The following RAD51B variants were observed in gnomAD, a reference collection of about 807,000 sequenced individuals.
RAD51B encodes RAD51 paralog B.
A neutral mutation model predicts 42.2 loss-of-function variants in RAD51B; 38 were observed. The observed-to-expected ratio is 0.90, with a 90% CI of 0.70 to 1.18. RAD51B has a LOEUF of 1.18. Among genes scored for constraint, RAD51B ranks in the 50% most tolerant of loss-of-function variants. The pLI is 0.00. For missense variants in RAD51B, 373 were observed against 400.7 expected (o/e 0.93, Z 0.59); for synonymous variants, 154 against 145.2 (o/e 1.06, Z -0.43).
At chr14:68,056,199 C>T (rs181218508) in intron 7 of RAD51B, among the ~76,000 whole-genome samples, 1 of 152,092 alleles carries the variant, frequency 6.6e-6, no homozygotes, top group Non-Finnish European at 1.5e-5. Flanking sequence ...CGCTTTGTCA[C>T]CCAGGTTGGA....
chr14:68,142,570 C>T (rs2078150584), intron 7 of RAD51B, among the ~76,000 whole-genome samples: 1 of 152,062 alleles, frequency 6.6e-6, no homozygotes, highest in African/African-American at 2.4e-5. Flanking sequence ...GAAGACATCT[C>T]CAAGGCCTAA....
intron 9 of RAD51B, among the ~76,000 whole-genome samples, chr14:68,442,410 TGCCTACTATGTAGTAG>T (rs2085319882): frequency 1.4e-5 from 2 of 147,916 alleles, no homozygotes; most frequent in Non-Finnish European, 3.0e-5. Flanking sequence ...ATTTCTTGAG[TGCCTACTATGTAGTAG>T]GCATTGTGCT....
chr14:68,199,049 C>T (rs1286975650), intron 7 of RAD51B, among the ~76,000 whole-genome samples: 3 of 152,206 alleles, frequency 2.0e-5, no homozygotes, highest in Non-Finnish European at 2.9e-5. Flanking sequence ...AGCTAATCTG[C>T]CCAATGAATT....
At position 68,091,956 on chromosome 14, in the gene RAD51B, A is replaced by T. The variant is rs200705716; in HGVS notation, c.757-199928A>T. 1.7e-3 allele frequency among the ~76,000 whole-genome samples: 261 copies of T among 152,282 alleles called. 3 individuals carry two copies. The highest frequency in any genetic ancestry group is 0.014 in the East Asian group (72 of 5,186). ...CCCAGCACCATTTATTAAATAGGGA[A>T]TCCTTTCCCCATTGCTTGTTTTTGT... On this transcript the variant is annotated intron_variant, in intron 7 of 10. Coordinates refer to ENST00000471583, the MANE Select transcript of RAD51B (RefSeq NM_133510.4).
At chr14:68,373,572 A>G (rs747635204) in intron 8 of RAD51B, among the ~76,000 whole-genome samples, 60 of 152,282 alleles carry the variant, frequency 3.9e-4, no homozygotes, top group Admixed American at 3.9e-4. Context: ...TAATGATGAG[A>G]ACACATGGAC....
At chr14:68,492,520 A>G (rs1243955239) in intron 10 of RAD51B, among the ~76,000 whole-genome samples, 5 of 152,186 alleles carry the variant, frequency 3.3e-5, no homozygotes, top group Non-Finnish European at 7.3e-5. Context: ...TGAGCTCAAA[A>G]TCCCTCCTGC....
intron 5 of RAD51B, among the ~76,000 whole-genome samples, chr14:67,881,993 G>A (rs530640308): frequency 7.6e-4 from 115 of 152,112 alleles, no homozygotes; most frequent in African/African-American, 2.6e-3. Flanking sequence ...TTTTAGACAG[G>A]TTCTCACCTA....
At chr14:68,520,733 G>T (rs904160163) in intron 10 of RAD51B, among the ~76,000 whole-genome samples, 1 of 152,158 alleles carries the variant, frequency 6.6e-6, no homozygotes, top group African/African-American at 2.4e-5. Flanking sequence ...GCCAGTTAGG[G>T]TGTGGGGAAG....
At chr14:68,150,859 TA>T (rs988784813) in intron 7 of RAD51B, among the ~76,000 whole-genome samples, 2 of 152,190 alleles carry the variant, frequency 1.3e-5, no homozygotes, top group African/African-American at 4.8e-5. Flanking sequence ...ACGATAGTCT[TA>T]AAGTAGTTGT....
intron 7 of RAD51B, among the ~76,000 whole-genome samples, chr14:67,953,140 C>A (rs2074485209): frequency 6.6e-6 from 1 of 152,130 alleles, no homozygotes; most frequent in African/African-American, 2.4e-5. Flanking sequence ...AATCAACCAT[C>A]TAAGAGGACT....
chr14:68,517,674 C>T (rs1164704906), intron 10 of RAD51B, among the ~76,000 whole-genome samples: 2 of 152,072 alleles, frequency 1.3e-5, no homozygotes, highest in Non-Finnish European at 2.9e-5. Flanking sequence ...CGTATATGTA[C>T]CAGGTCTTTG....
chr14:68,037,776 TA>T (rs1191123013), intron 7 of RAD51B, among the ~76,000 whole-genome samples: 5 of 152,228 alleles, frequency 3.3e-5, no homozygotes, highest in Non-Finnish European at 1.5e-5. Flanking sequence ...TGCAGCATAA[TA>T]ACACTTGACA....
chr14:67,965,143 A>G (rs1016990135), intron 7 of RAD51B, among the ~76,000 whole-genome samples: 6 of 151,880 alleles, frequency 4.0e-5, no homozygotes, highest in Admixed American at 1.3e-4. Context: ...TCCCAAACTA[A>G]TTTTTCCGGA....
intron 10 of RAD51B, among the ~76,000 whole-genome samples, chr14:68,500,736 T>C (rs1041001191): frequency 1.3e-5 from 2 of 152,206 alleles, no homozygotes; most frequent in Admixed American, 1.3e-4. Context: ...TTCTTCGCTC[T>C]CAGCCTTGTT....
intron 9 of RAD51B, among the ~76,000 whole-genome samples, chr14:68,465,423 T>G (rs2085949934): frequency 6.6e-6 from 1 of 152,166 alleles, no homozygotes; most frequent in Non-Finnish European, 1.5e-5. Flanking sequence ...ATCAGGCTAA[T>G]TGCCTAGAAC....
In RAD51B at chr14:68,152,134, A is replaced by C. The variant is rs1028180216; in HGVS notation, c.757-139750A>C. Among the ~76,000 whole-genome samples, 5 of 152,046 alleles carry C rather than the reference A, an allele frequency of 3.3e-5. No homozygotes were observed. In the South Asian group the frequency reaches 8.3e-4, roughly 25 times the overall value. On this transcript the variant is annotated intron_variant, in intron 7 of 10. Coordinates refer to ENST00000471583, the MANE Select transcript of RAD51B (RefSeq NM_133510.4). The stretch of plus-strand genomic sequence containing the variant: ...GCTGGGATTGCAGGCGTGAACCACC[A>C]TGCCCAGCCATAAAGACTATTTTAA...
chr14:68,356,094 T>C lies in RAD51B; in HGVS notation c.854-55330T>C, dbSNP rs116163761. Among the ~76,000 whole-genome samples the C allele has an allele frequency of 5.8e-3, 883 of 152,264 alleles. 9 individuals carry two copies. Among genetic ancestry groups the C allele is most frequent in the African/African-American group, 0.021 (857 of 41,536 alleles). On this transcript the variant is annotated intron_variant, in intron 8 of 10. Coordinates refer to ENST00000471583, the MANE Select transcript of RAD51B (RefSeq NM_133510.4). The stretch of plus-strand genomic sequence containing the variant: ...TTCCAGACCATTGCAATAAAGTAAA[T>C]ATTGCAATAAAGTGAAATACATTTT...
chr14:67,945,765 C>A (rs2045371061), intron 7 of RAD51B, among the ~76,000 whole-genome samples: 1 of 152,038 alleles, frequency 6.6e-6, no homozygotes. Flanking sequence ...GCTACCATGC[C>A]CAGCCCAGAC....
chr14:68,454,268 C>G (rs1311651053), intron 9 of RAD51B, among the ~76,000 whole-genome samples: 1 of 152,102 alleles, frequency 6.6e-6, no homozygotes, highest in Non-Finnish European at 1.5e-5. Context: ...TACATTTTGG[C>G]TTAGGAGACT....
Sources: allele counts gnomAD v4.1 joint callset (sites outside exome capture counted in the v4.1 genomes callset), GRCh38; gene constraint gnomAD v4.1.1; transcripts MANE v1.5; gene names NCBI Gene and HGNC (gene_info 2026-07-23, HGNC 2026-07-21).